Variants in CFAP46 observed in about 807,000 individuals in gnomAD.
CFAP46 encodes the protein cilia- and flagella-associated protein 46.
A neutral mutation model predicts 325.7 loss-of-function variants in CFAP46; 245 were observed. The observed-to-expected ratio is 0.75, with a 90% CI of 0.68 to 0.84. The LOEUF (loss-of-function observed/expected upper bound fraction) is 0.84, where lower values mean the gene tolerates loss of function less well. Ranked by LOEUF, CFAP46 falls within the 40% of genes least tolerant of loss-of-function variation. The pLI is 0.00. For missense variants in CFAP46, 3,346 were observed against 3,543.0 expected (o/e 0.94, Z 1.41); for synonymous variants, 1,523 against 1,495.9 (o/e 1.02, Z -0.42).
In CFAP46 at chr10:132,938,640, A is replaced by C. The variant is rs774342443; in HGVS notation, c.485T>G (p.Val162Gly). ...LIPSLSQIIN[V>G]LSQTEEEDKE... The stretch of plus-strand genomic sequence containing the variant: ...GTCTTCCTCCTCAGTCTGACTCAGC[A>C]CGTTTATGATTTGGGAAAGGCTGGG... The change falls in exon 5 of 58, where the codon GTG becomes GGG. Residue 162 changes from valine to glycine, a missense_variant. Transcript: ENST00000368586. 4 of 1,613,690 alleles carry C rather than the reference A, an allele frequency of 2.5e-6. No individual in the cohort carries two copies. The South Asian group carries it at 3.3e-5, about 13-fold the overall frequency.
Position 132,913,377 on chromosome 10 carries a change from G to A in CFAP46, c.2121-119C>T. The A allele has an allele frequency of 1.2e-5, 7 of 563,794 alleles. 2 individuals carry two copies. Among genetic ancestry groups the A allele is most frequent in the Non-Finnish European group, 6.2e-6 (2 of 320,806 alleles). 34.9% of individuals were successfully genotyped at this position (563,794 alleles called of 1,614,324 possible). A position where few individuals can be genotyped will look rare whatever the true frequency, so the allele number is the denominator to read the frequency against. The stretch of plus-strand genomic sequence containing the variant: ...GCAGGGCAAGAAGTGGGAGGGGCGG[G>A]TGGGCGGCGACCAAACTCCATCTGC... On this transcript the variant is annotated intron_variant, in intron 17 of 57. Transcript: ENST00000368586.
intron 29 of CFAP46, among the ~76,000 whole-genome samples, chr10:132,878,890 C>T (rs912198338): frequency 2.6e-5 from 4 of 152,126 alleles, no homozygotes; most frequent in African/African-American, 7.2e-5. Flanking sequence ...GACAGACGCA[C>T]GGGGAGGCCC....
chr10:132,832,593 C>G lies in CFAP46; in HGVS notation c.7117+765G>C. The G allele has an allele frequency of 2.8e-6, 1 of 353,266 alleles. No individual in the cohort carries two copies. The highest frequency in any genetic ancestry group is 5.8e-6 in the Non-Finnish European group (1 of 171,630). 21.9% of individuals were successfully genotyped at this position (353,266 alleles called of 1,614,324 possible). A position where few individuals can be genotyped will look rare whatever the true frequency, so the allele number is the denominator to read the frequency against. ...ACGAATCTGGTCCCTGTTACTTCATCTGAGATGGAAGCAAAAGTCCAATCG... is the reference window on the plus strand; with the variant it reads ...ACGAATCTGGTCCCTGTTACTTCATGTGAGATGGAAGCAAAAGTCCAATCG... On this transcript the variant is annotated intron_variant, in intron 50 of 57. Coordinates refer to ENST00000368586, the MANE Select transcript of CFAP46 (RefSeq NM_001200049.3). This position sits in a 1 kb window ranked among gnomAD's most constrained non-coding sequence, Gnocchi z 4.1.
chr10:132,819,034 CAGT>C (rs1472975519), intron 50 of CFAP46, among the ~76,000 whole-genome samples: 1 of 152,070 alleles, frequency 6.6e-6, no homozygotes, highest in African/African-American at 2.4e-5. Context: ...ATACAAAAAT[CAGT>C]AGTATTTCTA....
chr10:132,855,890 G>C (rs1330831528), intron 39 of CFAP46, among the ~76,000 whole-genome samples: 1 of 152,162 alleles, frequency 6.6e-6, no homozygotes, highest in African/African-American at 2.4e-5. Context: ...AAGAAGAATT[G>C]GACACAATTT....
intron 32 of CFAP46, 163 bp downstream of exon 32, chr10:132,872,513 C>G: frequency 1.1e-6 from 1 of 924,604 alleles, no homozygotes; most frequent in South Asian, 1.6e-5. Context: ...CCCGTCCCAA[C>G]CAAAAATACC....
chr10:132,866,237 AG>A, intron 34 of CFAP46, 66 bp from the exon 35 acceptor site: 1 of 1,411,432 alleles, frequency 7.1e-7, no homozygotes. Context: ...CTCACGGGAC[AG>A]GCTCTGGCTC....
In CFAP46 at chr10:132,867,417, A is replaced by G. The variant is rs141926275; in HGVS notation, c.4701T>C (p.Pro1567=). The G allele has an allele frequency of 0.015, 22,610 of 1,550,590 alleles. 344 individuals carry two copies. Among genetic ancestry groups the G allele is most frequent in the Middle Eastern group, 0.058 (348 of 5,984 alleles). ...GTGGTTTGATCTCCCCAGGCTGGAC[A>G]GGAAGTGTCTGCTCATTCAGTGCTG... ...SLPALNEQTL[P]VQPGEIKPLD... Residue 1567 remains proline (P), a synonymous_variant, in exon 34 of 58, where the codon CCT becomes CCC. Coordinates refer to ENST00000368586, the MANE Select transcript of CFAP46 (RefSeq NM_001200049.3).
chr10:132,885,358 CG>C (rs1218957132), intron 26 of CFAP46, 72 bp from the exon 27 acceptor site: 1 of 1,388,716 alleles, frequency 7.2e-7, no homozygotes, highest in Non-Finnish European at 9.7e-7. Flanking sequence ...TGATGCAGCC[CG>C]GACTTATTCC....
rs536889208 is a variant in CFAP46 at position 132,916,536 on chromosome 10, C to T, written c.2120+13G>A. 14 of 1,545,312 alleles carry T rather than the reference C, an allele frequency of 9.1e-6. No homozygotes were observed. The Admixed American group carries it at 9.9e-5, about 11-fold the overall frequency. The stretch of plus-strand genomic sequence containing the variant: ...CCCGGGCGGTGCTCAAGGCCACTGT[C>T]GCCTCTGCCCACCTGTATGTGATCC... On this transcript the variant is annotated intron_variant, in intron 17 of 57. Coordinates refer to ENST00000368586, the MANE Select transcript of CFAP46 (RefSeq NM_001200049.3).
At chr10:132,858,530 A>G (rs1477730526) in intron 38 of CFAP46, among the ~76,000 whole-genome samples, 4 of 150,930 alleles carry the variant, frequency 2.7e-5, no homozygotes, top group Admixed American at 2.6e-4. Context: ...TGTGGTGGGG[A>G]CGGCTGGCAT....
intron 16 of CFAP46, among the ~76,000 whole-genome samples, chr10:132,917,848 C>T (rs1048857880): frequency 4.6e-5 from 7 of 152,100 alleles, no homozygotes; most frequent in Non-Finnish European, 1.0e-4. Context: ...AACCCTCTGA[C>T]GCTGTGGTGC....
rs1027206328 is a variant in CFAP46 at position 132,919,062 on chromosome 10, C to T, written c.1858+253G>A. 7.9e-5 allele frequency among the ~76,000 whole-genome samples: 12 copies of T among 152,258 alleles called. 1 individual carries two copies. The highest frequency in any genetic ancestry group is 2.2e-4 in the African/African-American group (9 of 41,476). ...CTGGCTGTGGTGGCCCCTGCCTGAG[C>T]CTCCGAGGCCCCCAGTGACTGAAGA... On this transcript the variant is annotated intron_variant, in intron 15 of 57. Coordinates refer to ENST00000368586, the MANE Select transcript of CFAP46 (RefSeq NM_001200049.3). This position sits in a 1 kb window ranked among gnomAD's most constrained non-coding sequence, Gnocchi z 9.7.
chr10:132,923,963 G>A (rs560429266), intron 11 of CFAP46, among the ~76,000 whole-genome samples: 140 of 152,258 alleles, frequency 9.2e-4, no homozygotes, highest in Non-Finnish European at 1.0e-3. Flanking sequence ...AGGTGGGAAG[G>A]AGCACTGGCA....
intron 50 of CFAP46, among the ~76,000 whole-genome samples, chr10:132,821,462 CTGATGTGTGT>C (rs1325292791): frequency 1.8e-5 from 2 of 109,810 alleles, no homozygotes; most frequent in African/African-American, 3.9e-5. Flanking sequence ...GCTGTGTGTG[CTGATGTGTGT>C]TGTGTGTGCT....
At chr10:132,834,544 C>G (rs3793688) in intron 48 of CFAP46, 110 bp downstream of exon 48, 3 of 1,476,600 alleles carry the variant, frequency 2.0e-6, no homozygotes. Flanking sequence ...GAGTCCTGAA[C>G]AAAGGCGGCC....
At chr10:132,866,772 C>T (rs1172693533) in intron 34 of CFAP46, among the ~76,000 whole-genome samples, 2 of 152,248 alleles carry the variant, frequency 1.3e-5, no homozygotes, top group Non-Finnish European at 2.9e-5. Flanking sequence ...ATGGCCTTTG[C>T]CCCTCCATGG....
chr10:132,842,810 G>T (rs1015051104), intron 44 of CFAP46, among the ~76,000 whole-genome samples: 9 of 152,146 alleles, frequency 5.9e-5, no homozygotes, highest in Non-Finnish European at 1.0e-4. Context: ...AATGACACAC[G>T]GTGAGGGGGC....
At chr10:132,926,870 G>T (rs565974933) in intron 9 of CFAP46, among the ~76,000 whole-genome samples, 1 of 152,212 alleles carries the variant, frequency 6.6e-6, no homozygotes, top group African/African-American at 2.4e-5. Flanking sequence ...GTCTGCCTGC[G>T]GGCCCCACCA....
Sources: allele counts gnomAD v4.1 joint callset (sites outside exome capture counted in the v4.1 genomes callset), GRCh38; gene constraint gnomAD v4.1.1; non-coding constraint Gnocchi (gnomAD v3.1); transcripts MANE v1.5; gene names NCBI Gene and HGNC (gene_info 2026-07-23, HGNC 2026-07-21).